MAP6: variants seen among roughly 807,000 people sequenced by gnomAD.
MAP6 encodes the protein microtubule-associated protein 6.
MAP6 carries 26 observed loss-of-function variants against 42.4 expected under a neutral mutation model. The ratio of observed to expected loss-of-function variants is 0.61; its 90% CI spans 0.45 to 0.85. The LOEUF (loss-of-function observed/expected upper bound fraction) is 0.85. MAP6 is among the 40% of genes least tolerant of loss of function. The probability of loss-of-function intolerance (pLI) is 0.00; values close to 1 mark genes in which losing one functional copy is unlikely to be tolerated. For synonymous variants in MAP6, 418 were observed against 443.8 expected, an observed-to-expected ratio of 0.94 and a Z score of 0.73; for missense variants, 966 against 1,099.0, an observed-to-expected ratio of 0.88 and a Z score of 1.71.
chr11:75,596,218 GT>G (rs1165727648), intron 3 of MAP6: 3 of 152,284 alleles, frequency 2.0e-5, no homozygotes, highest in African/African-American at 7.2e-5. Flanking sequence ...CGAAAACGCG[GT>G]GCAGAAAGCT....
intron 2 of MAP6, chr11:75,607,361 C>T: frequency 1.0e-6 from 1 of 985,412 alleles, no homozygotes; most frequent in Non-Finnish European, 1.2e-6. Flanking sequence ...GATATTTGTA[C>T]AATTCCATGG....
At chr11:75,590,758 G>A (rs1942463020) in intron 3 of MAP6, among the ~76,000 whole-genome samples, 1 of 152,142 alleles carries the variant, frequency 6.6e-6, no homozygotes, top group South Asian at 2.1e-4. Flanking sequence ...CTTGTGGTCA[G>A]GAGTTCGAGA....
intron 1 of MAP6, among the ~76,000 whole-genome samples, chr11:75,640,630 T>C (rs746026931): frequency 2.0e-5 from 3 of 151,990 alleles, no homozygotes; most frequent in Admixed American, 6.6e-5. Context: ...CTCAAACAAA[T>C]TTACAAGAAA....
intron 3 of MAP6, chr11:75,604,244 AC>A: frequency 1.0e-6 from 1 of 985,886 alleles, no homozygotes; most frequent in Non-Finnish European, 1.2e-6. Flanking sequence ...TTTACAAAAG[AC>A]TTCTCACTCA....
chr11:75,664,586 G>A (rs1943914857), intron 1 of MAP6, among the ~76,000 whole-genome samples: 2 of 152,150 alleles, frequency 1.3e-5, no homozygotes, highest in Admixed American at 1.3e-4. Flanking sequence ...AGAAGAAAAG[G>A]GTTTGTAAAT....
chr11:75,617,900 G>A (rs1943030575), intron 1 of MAP6, among the ~76,000 whole-genome samples: 1 of 152,058 alleles, frequency 6.6e-6, no homozygotes, highest in South Asian at 2.1e-4. Flanking sequence ...TTGGTTAGCT[G>A]GGTCCCCAAC....
chr11:75,605,723 C>CT (rs1390546805), intron 3 of MAP6, 85 bp downstream of exon 3: 3 of 1,563,330 alleles, frequency 1.9e-6, no homozygotes, highest in Non-Finnish European at 1.7e-6. Context: ...ATTTTGTGGC[C>CT]TTTTTTGGTT....
chr11:75,660,074 G>C (rs1332023231), intron 1 of MAP6, among the ~76,000 whole-genome samples: 1 of 152,136 alleles, frequency 6.6e-6, no homozygotes, highest in Non-Finnish European at 1.5e-5. Flanking sequence ...GTTCATATGA[G>C]GTTTCCATGA....
At chr11:75,602,208 T>TA (rs1178263302) in intron 3 of MAP6, among the ~76,000 whole-genome samples, 1 of 152,074 alleles carries the variant, frequency 6.6e-6, no homozygotes, top group Non-Finnish European at 1.5e-5. Flanking sequence ...GCCTTGCCCT[T>TA]ACATATCCAC....
intron 3 of MAP6, chr11:75,605,357 C>T (rs948084456): frequency 1.0e-4 from 99 of 986,832 alleles, no homozygotes; most frequent in Non-Finnish European, 1.1e-4. Flanking sequence ...CCAGGCTGAG[C>T]TTCTGTGGCA....
At chr11:75,620,483 GAAA>G (rs61563507) in intron 1 of MAP6, among the ~76,000 whole-genome samples, 2 of 69,770 alleles carry the variant, frequency 2.9e-5, no homozygotes, top group Non-Finnish European at 6.6e-5. Context: ...TCAAAAGAGA[GAAA>G]AAAAAAAAAA....
chr11:75,662,962 CTT>C (rs35877922), intron 1 of MAP6, among the ~76,000 whole-genome samples: 77 of 133,076 alleles, frequency 5.8e-4, no homozygotes, highest in South Asian at 9.6e-4. Flanking sequence ...AGGATTTGTA[CTT>C]TTTTTTTTTT....
intron 1 of MAP6, among the ~76,000 whole-genome samples, chr11:75,613,468 C>A (rs963760459): frequency 1.3e-5 from 2 of 152,140 alleles, no homozygotes; most frequent in Non-Finnish European, 2.9e-5. Context: ...TGGGAGGGTC[C>A]CATATCCGTG....
intron 1 of MAP6, among the ~76,000 whole-genome samples, chr11:75,666,948 T>A (rs1943957916): frequency 6.6e-6 from 1 of 151,880 alleles, no homozygotes; most frequent in African/African-American, 2.4e-5. Flanking sequence ...CTGTGGGTAA[T>A]CTAGAAAAAG....
At position 75,635,221 on chromosome 11, in the gene MAP6, G is replaced by A. The variant is rs552418132; in HGVS notation, c.906-26899C>T. Among the ~76,000 whole-genome samples the A allele has an allele frequency of 3.9e-5, 6 of 152,288 alleles. No individual in the cohort carries two copies. In the South Asian group the frequency reaches 1.0e-3, roughly 26 times the overall value. On this transcript the variant is annotated intron_variant, in intron 1 of 3. Transcript: ENST00000304771. ...GGAGCCTCTGAAAGTAAACAGAGCC[G>A]GCCTGAAGTCCTCGTTCACACCTCA...
At chr11:75,621,424 A>C (rs1943109664) in intron 1 of MAP6, among the ~76,000 whole-genome samples, 1 of 152,196 alleles carries the variant, frequency 6.6e-6, no homozygotes, top group African/African-American at 2.4e-5. Context: ...CAAACATAAT[A>C]CTCAATGGTA....
At chr11:75,622,294 G>A (rs1311207928) in intron 1 of MAP6, among the ~76,000 whole-genome samples, 5 of 152,040 alleles carry the variant, frequency 3.3e-5, no homozygotes, top group African/African-American at 1.2e-4. Context: ...AGCCAGGCTG[G>A]AGTGCAGGGG....
At chr11:75,658,853 C>G (rs1204929999) in intron 1 of MAP6, among the ~76,000 whole-genome samples, 1 of 152,198 alleles carries the variant, frequency 6.6e-6, no homozygotes, top group Non-Finnish European at 1.5e-5. Context: ...ACTCAGGCTA[C>G]TAGTCACCCT....
intron 1 of MAP6, among the ~76,000 whole-genome samples, chr11:75,648,245 A>G (rs560810768): frequency 1.3e-5 from 2 of 152,300 alleles, no homozygotes; most frequent in African/African-American, 2.4e-5. Flanking sequence ...TGTAATCCCA[A>G]CACTTTGGGA....
Sources: allele counts gnomAD v4.1 joint callset (sites outside exome capture counted in the v4.1 genomes callset), GRCh38; gene constraint gnomAD v4.1.1; transcripts MANE v1.5; gene names NCBI Gene and HGNC (gene_info 2026-07-23, HGNC 2026-07-21).